TMEM209: variants seen among roughly 807,000 people sequenced by gnomAD.
TMEM209 encodes testicular tissue protein Li 202.
Under a neutral mutation model 76.2 loss-of-function variants are expected in TMEM209, and 65 were observed. The observed-to-expected ratio is 0.85, with a 90% CI of 0.70 to 1.05. The LOEUF (loss-of-function observed/expected upper bound fraction) is 1.05, where lower values mean the gene tolerates loss of function less well. Ranked by LOEUF, TMEM209 falls within the 50% of genes least tolerant of loss-of-function variation. The pLI, the probability that TMEM209 is intolerant of heterozygous loss-of-function variation, is 0.00. For missense variants in TMEM209, 623 were observed against 685.5 expected, an observed-to-expected ratio of 0.91 and a Z score of 1.02; for synonymous variants, 239 against 237.6, an observed-to-expected ratio of 1.01 and a Z score of -0.06.
rs1474614709 is a variant in TMEM209, at chr7:130,199,689, G to A, written c.573+2161C>T. ...CTGGAAAAGAGTGGGTACAAAGGGA[G>A]AGTTAACATAAGAAAAAAATTATTT... On this transcript the variant is annotated intron_variant, in intron 5 of 14. Coordinates refer to ENST00000397622, the MANE Select transcript of TMEM209 (RefSeq NM_032842.4). Among the ~76,000 whole-genome samples the A allele has an allele frequency of 3.3e-5, 5 of 152,132 alleles. No individual in the cohort carries two copies. The East Asian group carries it at 9.6e-4, about 29-fold the overall frequency.
At chr7:130,166,578 CTT>C in intron 14 of TMEM209, 73 bp from the exon 15 acceptor site, 2 of 890,266 alleles carry the variant, frequency 2.2e-6, no homozygotes, top group Non-Finnish European at 3.3e-6. Flanking sequence ...TAACAAAAAA[CTT>C]TATGAATAAT....
Position 130,166,130 on chromosome 7 carries a change from G to T in TMEM209, c.*321C>A. The T allele has an allele frequency of 5.3e-6, 1 of 189,374 alleles. No homozygotes were observed. The highest frequency in any genetic ancestry group is 1.1e-5 in the Non-Finnish European group (1 of 93,126). The allele number at this position is 189,374 out of a possible 1,614,324, so 11.7% of individuals were successfully genotyped here. On this transcript the variant is annotated 3_prime_UTR_variant, in exon 15 of 15. Coordinates refer to ENST00000397622, the MANE Select transcript of TMEM209 (RefSeq NM_032842.4). Reference sequence around the variant, plus strand: ...ATGATTCTCATTTGGGGGTTACAATGAAAAAAAGACTCAAAATCTATTTCA... The same window carrying T: ...ATGATTCTCATTTGGGGGTTACAATTAAAAAAAGACTCAAAATCTATTTCA...
chr7:130,181,948 T>C, intron 8 of TMEM209: 1 of 356,858 alleles, frequency 2.8e-6, no homozygotes, highest in East Asian at 5.8e-5. Flanking sequence ...TACATTCCTT[T>C]TTTTTTTTCG....
chr7:130,191,556 T>C (rs1797796743), intron 6 of TMEM209, among the ~76,000 whole-genome samples: 1 of 151,676 alleles, frequency 6.6e-6, no homozygotes, highest in Admixed American at 6.6e-5. Context: ...TAAAAGCAAG[T>C]CTCAAACAAA....
chr7:130,169,722 C>T (rs546446747), intron 14 of TMEM209, among the ~76,000 whole-genome samples: 1 of 152,072 alleles, frequency 6.6e-6, no homozygotes, highest in South Asian at 2.1e-4. Context: ...ATCCCTTCTG[C>T]TCCAAGCCCA....
At chr7:130,189,363 T>G (rs1797717811) in intron 6 of TMEM209, among the ~76,000 whole-genome samples, 2 of 152,038 alleles carry the variant, frequency 1.3e-5, no homozygotes, top group Admixed American at 6.6e-5. Context: ...GCCTCGCTAA[T>G]TTTTTAGTAG....
intron 6 of TMEM209, among the ~76,000 whole-genome samples, chr7:130,189,389 A>G (rs1490592056): frequency 6.6e-6 from 1 of 152,018 alleles, no homozygotes; most frequent in Non-Finnish European, 1.5e-5. Context: ...GGGTTTCACC[A>G]TGTTGGTCAG....
At chr7:130,189,628 A>G (rs1302155795) in intron 6 of TMEM209, among the ~76,000 whole-genome samples, 1 of 152,234 alleles carries the variant, frequency 6.6e-6, no homozygotes, top group Non-Finnish European at 1.5e-5. Context: ...GAGAGAGAAT[A>G]TGAGGGCCTG....
At chr7:130,183,990 TGGAG>T (rs1797509323) in intron 8 of TMEM209, among the ~76,000 whole-genome samples, 190 bp downstream of exon 8, 1 of 152,080 alleles carries the variant, frequency 6.6e-6, no homozygotes, top group Non-Finnish European at 1.5e-5. Context: ...TCACTAAATA[TGGAG>T]GAAGAAAAAA....
Position 130,175,506 on chromosome 7 carries a change from G to T in TMEM209, c.1344+6C>A. The T allele has an allele frequency of 1.2e-6, 2 of 1,609,554 alleles. No individual in the cohort carries two copies. Among genetic ancestry groups the T allele is most frequent in the South Asian group, 2.2e-5 (2 of 89,978 alleles). On this transcript the variant is annotated splice_donor_region_variant and intron_variant, in intron 11 of 14. Transcript: ENST00000397622. ...AATAAATGAATGAAAGAATCTAGGG[G>T]CTTACAGCAGAATCGGTGGGCAGGT... is the stretch of plus-strand genomic sequence containing the variant.
rs765726354 is a variant in TMEM209, at chr7:130,178,456, C to T, written c.1192G>A (p.Val398Ile). 12 of 1,613,498 alleles carry T rather than the reference C, an allele frequency of 7.4e-6. No individual in the cohort carries two copies. Among genetic ancestry groups the T allele is most frequent in the Admixed American group, 1.7e-5 (1 of 59,970 alleles). Residue 398 changes from valine to isoleucine, a missense_variant, in exon 10 of 15, where the codon GTT (valine) becomes ATT (isoleucine). Coordinates refer to ENST00000397622, the MANE Select transcript of TMEM209 (RefSeq NM_032842.4). Reference sequence around the variant, plus strand: ...TTTGGAGTAAGGTCTAGATACTGAACGATTGTGTTCAAAGTCGGAATGAGA... The same window carrying T: ...TTTGGAGTAAGGTCTAGATACTGAATGATTGTGTTCAAAGTCGGAATGAGA... Reference protein sequence around the residue: ...APLIPTLNTIVQYLDLTPNQE... With the variant: ...APLIPTLNTIIQYLDLTPNQE...
At chr7:130,177,016 C>T (rs371170989) in intron 10 of TMEM209, among the ~76,000 whole-genome samples, 85 of 115,122 alleles carry the variant, frequency 7.4e-4, no homozygotes, top group Middle Eastern at 4.2e-3. Context: ...GGTGACAGAG[C>T]GAGCCGGGTC....
At chr7:130,175,200 G>A in intron 11 of TMEM209, 1 of 257,588 alleles carries the variant, frequency 3.9e-6, no homozygotes, top group Non-Finnish European at 7.3e-6. Flanking sequence ...AGTAGCTCGT[G>A]TCTGTAAACC....
chr7:130,175,635 A>T, intron 10 of TMEM209, 26 bp from the exon 11 acceptor site: 1 of 1,580,754 alleles, frequency 6.3e-7, no homozygotes, highest in Non-Finnish European at 8.6e-7. Flanking sequence ...GAAATTTTTA[A>T]AAGCTAAGAG....
At chr7:130,185,452 C>G (rs1797566964) in intron 6 of TMEM209, 85 bp from the exon 7 acceptor site, 35 of 1,211,688 alleles carry the variant, frequency 2.9e-5, no homozygotes, top group Non-Finnish European at 3.9e-5. Flanking sequence ...CAATGGCAAT[C>G]CAGGAATCAG....
chr7:130,204,375 G>C (rs1402545655), intron 1 of TMEM209, among the ~76,000 whole-genome samples: 1 of 152,100 alleles, frequency 6.6e-6, no homozygotes, highest in African/African-American at 2.4e-5. Context: ...ACGGAGTCTT[G>C]CTGTCTCCCA....
chr7:130,171,545 G>A (rs1310950654), intron 13 of TMEM209, among the ~76,000 whole-genome samples: 1 of 152,062 alleles, frequency 6.6e-6, no homozygotes, highest in East Asian at 1.9e-4. Flanking sequence ...ATATTCACAA[G>A]AACTTCAATG....
At chr7:130,189,195 CATTT>C (rs1267656278) in intron 6 of TMEM209, among the ~76,000 whole-genome samples, 4 of 152,022 alleles carry the variant, frequency 2.6e-5, no homozygotes, top group African/African-American at 4.8e-5. Flanking sequence ...TGTCATTATT[CATTT>C]ATTTATTTTT....
rs749537792 is a variant in TMEM209 at position 130,204,100 on chromosome 7, T to C, written c.14A>G (p.Glu5Gly). 2 of 1,602,706 alleles carry C rather than the reference T, an allele frequency of 1.2e-6. No homozygotes were observed. The highest frequency in any genetic ancestry group is 3.5e-5 in the Admixed American group (2 of 57,168). MMQG[E>G]AHPSASLIDR... Reference sequence around the variant, plus strand: ...AATAAGGGAAGCACTAGGGTGTGCCTCCCCCTGCATCTATGAAAAAACAAA... The same window carrying C: ...AATAAGGGAAGCACTAGGGTGTGCCCCCCCCTGCATCTATGAAAAAACAAA... The change falls in exon 2 of 15, where the codon GAG (glutamate) becomes GGG (glycine). Residue 5 changes from glutamate (E) to glycine (G), a missense_variant. Physicochemically the swap from Glu to Gly is moderately conservative, Grantham distance 98. Transcript: ENST00000397622.
Sources: allele counts gnomAD v4.1 joint callset (sites outside exome capture counted in the v4.1 genomes callset), GRCh38; gene constraint gnomAD v4.1.1; transcripts MANE v1.5; gene names NCBI Gene and HGNC (gene_info 2026-07-23, HGNC 2026-07-21).